INVS: variants seen among roughly 807,000 people sequenced by gnomAD.
The protein encoded by INVS is inversin.
In INVS, 86 loss-of-function variants were observed where a neutral mutation model predicts 108.8. That is an observed-to-expected ratio of 0.79 (90% CI 0.66 to 0.95). INVS has a LOEUF of 0.95. Among genes scored for constraint, INVS ranks in the 40% least tolerant of loss-of-function variants. The pLI is 0.00. For missense variants in INVS, 1,169 were observed against 1,297.4 expected, an observed-to-expected ratio of 0.90 and a Z score of 1.52; for synonymous variants, 455 against 473.5, an observed-to-expected ratio of 0.96 and a Z score of 0.51.
rs1827162859 is a variant in INVS at position 100,105,880 on chromosome 9, T to G, written c.106+1253T>G. The stretch of plus-strand genomic sequence containing the variant: ...TTTTTTTTTTTTTTTTTTTTTGCCT[T>G]CTGTTGCACTTGACTGTTGCATTCT... On this transcript the variant is annotated intron_variant, in intron 2 of 16. Transcript: ENST00000262457. 2.9e-5 allele frequency among the ~76,000 whole-genome samples: 4 copies of G among 137,516 alleles called. No individual in the cohort carries two copies. In the South Asian group the frequency reaches 8.3e-4, roughly 28 times the overall value. The allele number at this position is 137,516 out of a possible 152,430, so 90.2% of individuals were successfully genotyped here.
intron 10 of INVS, among the ~76,000 whole-genome samples, chr9:100,256,424 G>T (rs1426617634): frequency 6.6e-6 from 1 of 152,000 alleles, no homozygotes; most frequent in Non-Finnish European, 1.5e-5. Flanking sequence ...CTTCAGTTCT[G>T]CTGTGATCTT....
At chr9:100,282,126 C>T (rs1309877993) in intron 12 of INVS, among the ~76,000 whole-genome samples, 1 of 152,210 alleles carries the variant, frequency 6.6e-6, no homozygotes, top group Non-Finnish European at 1.5e-5. Context: ...AAGCTCAGCA[C>T]TTCCTCTGCC....
chr9:100,285,040 T>G (rs1415760542), intron 13 of INVS, among the ~76,000 whole-genome samples: 1 of 152,224 alleles, frequency 6.6e-6, no homozygotes, highest in African/African-American at 2.4e-5. Context: ...TCTTCCTTCC[T>G]GATGCTCTAA....
rs59924532 is a variant in INVS at position 100,192,978 on chromosome 9, C to CTTT, written c.274-33070_274-33068dup. Among the ~76,000 whole-genome samples, 223 of 136,952 alleles carry CTTT rather than the reference C, an allele frequency of 1.6e-3. 2 individuals are homozygous for CTTT. The highest frequency in any genetic ancestry group is 4.7e-3 in the African/African-American group (173 of 36,880). The allele number at this position is 136,952 out of a possible 152,430, so 89.8% of individuals were successfully genotyped here. A position where few individuals can be genotyped will look rare whatever the true frequency, so the allele number is the denominator to read the frequency against. ...ATTAGATTACCTATGATACCAATGT[C>CTTT]TTTTTTTTTTTTTTTTCTGATACAG... On this transcript the variant is annotated intron_variant, in intron 3 of 16. Transcript: ENST00000262457.
intron 3 of INVS, among the ~76,000 whole-genome samples, chr9:100,178,804 CCT>C (rs1242653069): frequency 1.3e-5 from 2 of 152,098 alleles, no homozygotes; most frequent in African/African-American, 4.8e-5. Context: ...CTAGGATACT[CCT>C]CAAGAAGAGG....
At chr9:100,156,652 G>A (rs906045820) in intron 3 of INVS, among the ~76,000 whole-genome samples, 1 of 152,018 alleles carries the variant, frequency 6.6e-6, no homozygotes, top group African/African-American at 2.4e-5. Context: ...ACAAGTTTCA[G>A]TCACTTCCAT....
At chr9:100,271,810 CTG>C (rs1252936383) in intron 11 of INVS, among the ~76,000 whole-genome samples, 1 of 151,706 alleles carries the variant, frequency 6.6e-6, no homozygotes, top group Non-Finnish European at 1.5e-5. Flanking sequence ...CTTTTTTACT[CTG>C]TAAAATTTTG....
rs1467418408 is a variant in INVS, at chr9:100,252,926, A to G, written c.1254A>G (p.Leu418=). The part of the protein sequence containing the change: ...TLIKGGARVD[L]VDQDGHSLLH... ...TTCCAGGTGGAGCAAGGGTAGATCTAGTTGACCAAGATGGACATTCTCTTC... is the reference window on the plus strand; with the variant it reads ...TTCCAGGTGGAGCAAGGGTAGATCTGGTTGACCAAGATGGACATTCTCTTC... Residue 418 remains leucine (L), a synonymous_variant, in exon 10 of 17, where the codon CTA becomes CTG. Coordinates refer to ENST00000262457, the MANE Select transcript of INVS (RefSeq NM_014425.5). 3 of 1,612,874 alleles carry G rather than the reference A, an allele frequency of 1.9e-6. No homozygotes were observed. In the Admixed American group the frequency reaches 5.0e-5, roughly 27 times the overall value.
intron 3 of INVS, among the ~76,000 whole-genome samples, chr9:100,137,792 T>C (rs1828274186): frequency 2.0e-5 from 3 of 152,234 alleles, no homozygotes; most frequent in African/African-American, 7.2e-5. Flanking sequence ...ATAGGTACTT[T>C]TTCCAATTGT....
Position 100,300,899 on chromosome 9 carries a change from A to ATAGACTAT in INVS, c.*226_*233dup. 1 of 578,020 alleles carries ATAGACTAT rather than the reference A, an allele frequency of 1.7e-6. No individual in the cohort carries two copies. The highest frequency in any genetic ancestry group is 2.0e-5 in the South Asian group (1 of 50,742). The allele number at this position is 578,020 out of a possible 1,614,324, so 35.8% of individuals were successfully genotyped here. On this transcript the variant is annotated 3_prime_UTR_variant, in exon 17 of 17. Transcript: ENST00000262457. ...CACAGCCTGCACTGAAAGGACCTGC[A>ATAGACTAT]TAGACTATGTCTGTGCAAAGTGCCT...
intron 3 of INVS, among the ~76,000 whole-genome samples, chr9:100,185,288 A>G (rs1369672819): frequency 6.6e-6 from 1 of 151,784 alleles, no homozygotes; most frequent in Non-Finnish European, 1.5e-5. Context: ...GATATGTGTA[A>G]TAAATGTACC....
chr9:100,158,436 T>A lies in INVS; in HGVS notation c.273+31887T>A, dbSNP rs1191620286. Among the ~76,000 whole-genome samples, 36 of 152,232 alleles carry A rather than the reference T, an allele frequency of 2.4e-4. 1 individual carries two copies. The highest frequency in any genetic ancestry group is 2.3e-3 in the Admixed American group (35 of 15,288). ...GGAGTTGGACCTATATTGATTCTAG[T>A]CCCTGCTCATTTATTTATTAGCTCT... On this transcript the variant is annotated intron_variant, in intron 3 of 16. Coordinates refer to ENST00000262457, the MANE Select transcript of INVS (RefSeq NM_014425.5).
At chr9:100,170,028 A>T (rs989041090) in intron 3 of INVS, among the ~76,000 whole-genome samples, 2 of 152,194 alleles carry the variant, frequency 1.3e-5, no homozygotes, top group African/African-American at 4.8e-5. Flanking sequence ...GATTTTACTC[A>T]CTTGTGTAAT....
chr9:100,118,469 A>G (rs1389134610), intron 2 of INVS, among the ~76,000 whole-genome samples: 1 of 152,010 alleles, frequency 6.6e-6, no homozygotes, highest in Non-Finnish European at 1.5e-5. Context: ...TCAGCCTCTC[A>G]AAGTGCTGGG....
intron 3 of INVS, among the ~76,000 whole-genome samples, chr9:100,214,019 C>A (rs982562873): frequency 5.9e-5 from 9 of 152,132 alleles, no homozygotes; most frequent in Non-Finnish European, 1.3e-4. Context: ...ATGAGTATGC[C>A]ACTACATCAG....
intron 3 of INVS, among the ~76,000 whole-genome samples, chr9:100,210,793 T>C (rs1432962031): frequency 6.6e-6 from 1 of 152,098 alleles, no homozygotes; most frequent in African/African-American, 2.4e-5. Context: ...TTTAATTAGG[T>C]CAGTGCTTCT....
chr9:100,213,036 C>G (rs1017188388), intron 3 of INVS, among the ~76,000 whole-genome samples: 1 of 152,128 alleles, frequency 6.6e-6, no homozygotes, highest in African/African-American at 2.4e-5. Flanking sequence ...TGGCTGTCTT[C>G]TTGCTGTATC....
intron 10 of INVS, among the ~76,000 whole-genome samples, chr9:100,262,245 A>G (rs1019978400): frequency 4.6e-4 from 70 of 152,132 alleles, no homozygotes; most frequent in African/African-American, 1.5e-3. Context: ...TGTCAAAAAA[A>G]AAAAGTTAGA....
chr9:100,162,419 G>A (rs1329761147), intron 3 of INVS, among the ~76,000 whole-genome samples: 2 of 152,080 alleles, frequency 1.3e-5, no homozygotes, highest in African/African-American at 2.4e-5. Flanking sequence ...TTTATTCTCC[G>A]CTGTAATCAG....
Sources: gnomAD v4.1 joint callset for allele counts (sites outside exome capture counted in the v4.1 genomes callset) on GRCh38, gnomAD v4.1.1 for gene constraint, MANE v1.5 for transcripts, NCBI Gene and HGNC (gene_info 2026-07-23, HGNC 2026-07-21) for gene names.